RBM6: variants seen among roughly 807,000 people sequenced by gnomAD.
The protein encoded by RBM6 is RNA binding motif protein 6.
In RBM6, 23 loss-of-function variants were observed where a neutral mutation model predicts 140.4. The observed-to-expected ratio is 0.16, with a 90% CI of 0.12 to 0.23. The LOEUF is 0.23. Among genes scored for constraint, RBM6 ranks in the 10% least tolerant of loss-of-function variants. The probability of loss-of-function intolerance (pLI) is 1.00; values close to 1 mark genes in which losing one functional copy is unlikely to be tolerated. For missense variants in RBM6, 1,139 were observed against 1,386.7 expected, an observed-to-expected ratio of 0.82 and a Z score of 2.84; for synonymous variants, 439 against 475.6, an observed-to-expected ratio of 0.92 and a Z score of 1.00.
chr3:49,943,427 A>C (rs906716910), intron 1 of RBM6, among the ~76,000 whole-genome samples: 5 of 151,896 alleles, frequency 3.3e-5, no homozygotes, highest in African/African-American at 1.2e-4. Context: ...CAGCTTCCTG[A>C]GTAGCTGGGA....
chr3:49,995,635 T>C (rs1175445722), intron 5 of RBM6, among the ~76,000 whole-genome samples: 5 of 152,032 alleles, frequency 3.3e-5, no homozygotes, highest in Non-Finnish European at 7.4e-5. Flanking sequence ...TGTTTTGTAA[T>C]AGTCATATAA....
intron 1 of RBM6, among the ~76,000 whole-genome samples, chr3:49,952,577 G>A (rs950904850): frequency 4.8e-5 from 7 of 147,344 alleles, no homozygotes; most frequent in South Asian, 2.2e-4. Context: ...TCGACTCAAC[G>A]CAACCTCTGT....
Position 50,061,983 on chromosome 3 carries a change from G to A in RBM6, c.2461G>A (p.Asp821Asn), listed in dbSNP as rs192086094. The A allele has an allele frequency of 6.2e-7, 1 of 1,613,792 alleles. No homozygotes were observed. The highest frequency in any genetic ancestry group is 2.2e-5 in the East Asian group (1 of 44,864). ...NTQQEVYVPQ[D>N]PGLPEEEEIK... is the part of the protein sequence containing the mutation. Reference sequence around the variant, plus strand: ...GCAGCAAGAAGTCTATGTGCCCCAGGATCCTGGATTACCTGAGGAAGAAGA... The same window carrying A: ...GCAGCAAGAAGTCTATGTGCCCCAGAATCCTGGATTACCTGAGGAAGAAGA... Residue 821 changes from aspartate (D) to asparagine (N), a missense_variant, in exon 15 of 21, where the codon GAT becomes AAT. Physicochemically the swap from Asp to Asn is conservative, Grantham distance 23. This residue lies in a region of RBM6 where 163 missense variants were observed against 182.8 expected (regional missense o/e 0.89). Transcript: ENST00000266022.
intron 3 of RBM6, among the ~76,000 whole-genome samples, chr3:49,969,759 G>A (rs1420659731): frequency 6.6e-6 from 1 of 150,880 alleles, no homozygotes; most frequent in East Asian, 2.0e-4. Context: ...CAGCCACTAT[G>A]CCTGGCTAGT....
intron 6 of RBM6, among the ~76,000 whole-genome samples, chr3:50,011,681 G>A (rs1476733384): frequency 6.6e-6 from 1 of 151,956 alleles, no homozygotes; most frequent in Non-Finnish European, 1.5e-5. Context: ...ACAGAGAGTT[G>A]TAGGTTTTCT....
chr3:50,058,915 C>CAAA (rs200216165), intron 10 of RBM6: 5 of 81,940 alleles, frequency 6.1e-5, no homozygotes, highest in Admixed American at 1.3e-4. Flanking sequence ...GACTCTGTCT[C>CAAA]AAAAAAAAAA....
chr3:50,015,269 G>A (rs1429393179), intron 6 of RBM6, among the ~76,000 whole-genome samples: 2 of 150,722 alleles, frequency 1.3e-5, no homozygotes, highest in East Asian at 2.0e-4. Context: ...CACCACGCCC[G>A]GCTAATTTTT....
intron 17 of RBM6, among the ~76,000 whole-genome samples, chr3:50,068,037 C>G (rs2090174401): frequency 6.6e-6 from 1 of 152,120 alleles, no homozygotes; most frequent in Admixed American, 6.6e-5. Context: ...GATGTAAATA[C>G]TAATAAATGG....
intron 3 of RBM6, 63 bp downstream of exon 3, chr3:49,968,811 C>G (rs1279785278): frequency 4.2e-6 from 6 of 1,429,402 alleles, no homozygotes; most frequent in South Asian, 1.5e-5. Context: ...GACGGAGTCT[C>G]GCTCTGTTGC....
chr3:49,957,330 TAGAG>T (rs2084042959), intron 1 of RBM6, among the ~76,000 whole-genome samples: 1 of 150,624 alleles, frequency 6.6e-6, no homozygotes, highest in South Asian at 2.1e-4. Context: ...TTTTTTGAAG[TAGAG>T]AGAGTCTCAC....
rs188828913 is a variant in RBM6, at chr3:49,946,271, C to T, written c.-67+6046C>T. Among the ~76,000 whole-genome samples, 432 of 151,702 alleles carry T rather than the reference C, an allele frequency of 2.8e-3. 2 individuals are homozygous for T. Among genetic ancestry groups the T allele is most frequent in the African/African-American group, 9.9e-3 (409 of 41,280 alleles). On this transcript the variant is annotated intron_variant, in intron 1 of 20. Coordinates refer to ENST00000266022, the MANE Select transcript of RBM6 (RefSeq NM_005777.3). ...TTTTTTTTTTTTGGAGACAGATTCT[C>T]GCTCTGTCACGCAGGCTGGAGTGCA...
intron 1 of RBM6, among the ~76,000 whole-genome samples, chr3:49,943,254 AT>A (rs1219780689): frequency 1.3e-5 from 2 of 152,076 alleles, no homozygotes; most frequent in Non-Finnish European, 2.9e-5. Flanking sequence ...TTTTGGGTAT[AT>A]ACCCAGAAGG....
intron 8 of RBM6, among the ~76,000 whole-genome samples, chr3:50,056,173 TG>T (rs2089686055): frequency 6.6e-6 from 1 of 152,190 alleles, no homozygotes; most frequent in Admixed American, 6.5e-5. Context: ...GGAAGGAGGA[TG>T]AACAACTGAG....
At chr3:49,962,289 A>G (rs981702968) in intron 1 of RBM6, among the ~76,000 whole-genome samples, 1 of 148,196 alleles carries the variant, frequency 6.7e-6, no homozygotes. Context: ...AATACAAAAA[A>G]TTAGCTAGGC....
At chr3:50,059,802 A>G in intron 11 of RBM6, 56 bp downstream of exon 11, 1 of 1,394,990 alleles carries the variant, frequency 7.2e-7, no homozygotes, top group Non-Finnish European at 1.0e-6. Context: ...TTTTGAGAGG[A>G]AACTCCTTTT....
chr3:50,023,312 T>A (rs1377932769), intron 6 of RBM6, among the ~76,000 whole-genome samples: 1 of 152,138 alleles, frequency 6.6e-6, no homozygotes, highest in Admixed American at 6.6e-5. Flanking sequence ...TTACTTCTTA[T>A]TTATTTATTT....
chr3:50,043,536 A>G (rs556488238), intron 6 of RBM6, among the ~76,000 whole-genome samples: 1 of 151,468 alleles, frequency 6.6e-6, no homozygotes, highest in African/African-American at 2.4e-5. Context: ...ATACATATAC[A>G]TATACATACA....
intron 5 of RBM6, among the ~76,000 whole-genome samples, chr3:49,982,267 T>C (rs76762838): frequency 0.036 from 4,408 of 122,886 alleles, 21 homozygotes; most frequent in Non-Finnish European, 0.043. Flanking sequence ...CTTTTCTTTT[T>C]TTTTTTTTTT....
At chr3:50,059,151 T>C (rs1215702399) in intron 10 of RBM6, among the ~76,000 whole-genome samples, 6 of 152,226 alleles carry the variant, frequency 3.9e-5, no homozygotes, top group Non-Finnish European at 4.4e-5. Flanking sequence ...TTCATGATTT[T>C]AGTGAACTTT....
Sources: allele counts gnomAD v4.1 joint callset (sites outside exome capture counted in the v4.1 genomes callset), GRCh38; gene constraint gnomAD v4.1.1; regional missense constraint gnomAD v4.1.1; transcripts MANE v1.5; gene names NCBI Gene and HGNC (gene_info 2026-07-23, HGNC 2026-07-21).